The following ENPP6 variants were observed in gnomAD, a reference collection of about 807,000 sequenced individuals.
ENPP6 encodes the protein glycerophosphocholine cholinephosphodiesterase ENPP6.
In ENPP6, 32 loss-of-function variants were observed where a neutral mutation model predicts 42.0. That is an observed-to-expected ratio of 0.76 (90% CI 0.58 to 1.02). The LOEUF is 1.02. Ranked by LOEUF, ENPP6 falls within the 50% of genes least tolerant of loss-of-function variation. ENPP6 has a pLI of 0.00. For synonymous variants in ENPP6, 213 were observed against 216.0 expected (o/e 0.99, Z 0.12); for missense variants, 552 against 566.8 (o/e 0.97, Z 0.27).
At chr4:184,118,298 A>C (rs912360231) in intron 3 of ENPP6, among the ~76,000 whole-genome samples, 1 of 152,216 alleles carries the variant, frequency 6.6e-6, no homozygotes, top group African/African-American at 2.4e-5. Flanking sequence ...CATGTAGGGA[A>C]AAATCCGATT....
intron 6 of ENPP6, among the ~76,000 whole-genome samples, chr4:184,097,899 G>A (rs1735938583): frequency 6.7e-6 from 1 of 149,516 alleles, no homozygotes; most frequent in South Asian, 2.1e-4. Context: ...CAGACCGGGG[G>A]AGGGAAGAGG....
Position 184,151,287 on chromosome 4 carries a change from G to C in ENPP6, c.421+2267C>G, listed in dbSNP as rs534618218. ...GGGGAGGCAGAGGTTACAGTGAGCA[G>C]AGGTCATGCCACTGCACTCCAGCCT... On this transcript the variant is annotated intron_variant, in intron 2 of 7. Transcript: ENST00000296741. Among the ~76,000 whole-genome samples, 12 of 152,366 alleles carry C rather than the reference G, an allele frequency of 7.9e-5. No individual in the cohort carries two copies. In the South Asian group the frequency reaches 2.5e-3, roughly 32 times the overall value.
At chr4:184,141,128 G>A (rs1736812878) in intron 2 of ENPP6, among the ~76,000 whole-genome samples, 1 of 152,218 alleles carries the variant, frequency 6.6e-6, no homozygotes, top group Non-Finnish European at 1.5e-5. Context: ...AGGTGAATTT[G>A]CGTGGGAGCT....
intron 1 of ENPP6, among the ~76,000 whole-genome samples, chr4:184,194,105 T>C (rs1199579087): frequency 6.6e-6 from 1 of 152,206 alleles, no homozygotes; most frequent in Non-Finnish European, 1.5e-5. Flanking sequence ...CCGAGGTTCC[T>C]CTTTCTTACC....
intron 1 of ENPP6, among the ~76,000 whole-genome samples, chr4:184,174,951 G>A (rs1001081064): frequency 9.2e-5 from 14 of 152,320 alleles, no homozygotes; most frequent in South Asian, 4.1e-4. Flanking sequence ...CTTTGAAGCC[G>A]AAATTTTCAC....
chr4:184,133,798 C>T (rs1183925008), intron 2 of ENPP6, among the ~76,000 whole-genome samples: 1 of 151,386 alleles, frequency 6.6e-6, no homozygotes, highest in Admixed American at 6.6e-5. Flanking sequence ...GTATCAATTG[C>T]TTTTCATGTA....
intron 5 of ENPP6, 96 bp downstream of exon 5, chr4:184,116,760 A>T: frequency 6.7e-7 from 1 of 1,498,956 alleles, no homozygotes; most frequent in Non-Finnish European, 9.0e-7. Flanking sequence ...ACACACACAC[A>T]AAACAAAACA....
intron 2 of ENPP6, among the ~76,000 whole-genome samples, chr4:184,147,230 C>G (rs752071790): frequency 2.0e-5 from 3 of 152,216 alleles, no homozygotes; most frequent in Non-Finnish European, 4.4e-5. Context: ...TCAGCAGGTC[C>G]TGGCAGTTCC....
intron 7 of ENPP6, among the ~76,000 whole-genome samples, chr4:184,095,976 G>T (rs182779869): frequency 6.6e-6 from 1 of 152,240 alleles, no homozygotes; most frequent in Non-Finnish European, 1.5e-5. Flanking sequence ...ACTGGTTAAA[G>T]GTAGCATGTT....
At chr4:184,188,119 C>T (rs747297889) in intron 1 of ENPP6, among the ~76,000 whole-genome samples, 4 of 152,292 alleles carry the variant, frequency 2.6e-5, no homozygotes, top group Non-Finnish European at 4.4e-5. Context: ...TGGTAGCATG[C>T]TCTTACAGAA....
chr4:184,132,516 A>G (rs1327665347), intron 2 of ENPP6, among the ~76,000 whole-genome samples: 1 of 152,124 alleles, frequency 6.6e-6, no homozygotes, highest in Non-Finnish European at 1.5e-5. Context: ...TTTCATAAAG[A>G]GAAGCTTCTA....
At chr4:184,174,758 C>A (rs1225669354) in intron 1 of ENPP6, among the ~76,000 whole-genome samples, 2 of 90,018 alleles carry the variant, frequency 2.2e-5, no homozygotes, top group East Asian at 7.6e-4. Context: ...TGTTCAGAGA[C>A]GTTGCACGAT....
At chr4:184,177,245 G>T (rs913295475) in intron 1 of ENPP6, among the ~76,000 whole-genome samples, 1 of 152,204 alleles carries the variant, frequency 6.6e-6, no homozygotes, top group Non-Finnish European at 1.5e-5. Flanking sequence ...GGCTGTGGCA[G>T]ATCATGGCCA....
At chr4:184,193,917 A>C (rs770457807) in intron 1 of ENPP6, among the ~76,000 whole-genome samples, 1 of 152,094 alleles carries the variant, frequency 6.6e-6, no homozygotes, top group Admixed American at 6.5e-5. Flanking sequence ...GTTCAGTTTG[A>C]TGCTACTGAC....
intron 6 of ENPP6, among the ~76,000 whole-genome samples, chr4:184,108,336 C>T (rs987412156): frequency 2.0e-5 from 3 of 152,208 alleles, no homozygotes; most frequent in Admixed American, 6.5e-5. Context: ...GAAACGTCAT[C>T]GCATGCACTG....
intron 2 of ENPP6, among the ~76,000 whole-genome samples, chr4:184,134,273 C>A (rs558242231): frequency 8.7e-4 from 133 of 152,166 alleles, no homozygotes; most frequent in African/African-American, 3.2e-3. Context: ...ACCACCATGC[C>A]TGGCTTGATT....
chr4:184,158,972 G>A (rs2111082500), intron 1 of ENPP6, among the ~76,000 whole-genome samples: 1 of 152,270 alleles, frequency 6.6e-6, no homozygotes, highest in Non-Finnish European at 1.5e-5. Context: ...TTCAAATCCT[G>A]CAAAGTTATT....
chr4:184,167,574 A>G lies in ENPP6; in HGVS notation c.242-13841T>C, dbSNP rs1053623686. 4.9e-4 allele frequency among the ~76,000 whole-genome samples: 75 copies of G among 152,350 alleles called. 1 individual carries two copies. The highest frequency in any genetic ancestry group is 1.7e-3 in the African/African-American group (71 of 41,584). On this transcript the variant is annotated intron_variant, in intron 1 of 7. Coordinates refer to ENST00000296741, the MANE Select transcript of ENPP6 (RefSeq NM_153343.4). ...CAGCTCAATCAAGTACGAACCCATC[A>G]GTCAACCATCCCCCGCCCGCTTTTT... is the stretch of plus-strand genomic sequence containing the variant.
intron 5 of ENPP6, among the ~76,000 whole-genome samples, chr4:184,114,587 C>G (rs1736283124): frequency 6.6e-6 from 1 of 152,160 alleles, no homozygotes; most frequent in Admixed American, 6.5e-5. Flanking sequence ...ACATGACAAA[C>G]TGTCGCCCAA....
Sources: gnomAD v4.1 joint callset for allele counts (sites outside exome capture counted in the v4.1 genomes callset) on GRCh38, gnomAD v4.1.1 for gene constraint, MANE v1.5 for transcripts, NCBI Gene and HGNC (gene_info 2026-07-23, HGNC 2026-07-21) for gene names.